Variants in NFS1 observed in about 807,000 individuals in gnomAD.
The protein encoded by NFS1 is cysteine desulfurase.
Under a neutral mutation model 57.3 loss-of-function variants are expected in NFS1, and 26 were observed. The ratio of observed to expected loss-of-function variants is 0.45; its 90% CI spans 0.33 to 0.63. NFS1 has a LOEUF of 0.63. Ranked by LOEUF, NFS1 falls within the 20% of genes least tolerant of loss-of-function variation. NFS1 has a pLI of 0.02. For missense variants in NFS1, 505 were observed against 605.8 expected (o/e 0.83, Z 1.75); for synonymous variants, 209 against 216.3 (o/e 0.97, Z 0.30).
In NFS1 at chr20:35,686,486, T is replaced by A. The variant is rs760070587; in HGVS notation, c.561+3927A>T. Among the ~76,000 whole-genome samples the A allele has an allele frequency of 5.6e-4, 86 of 152,308 alleles. 3 individuals carry two copies. Among genetic ancestry groups the A allele is most frequent in the South Asian group, 4.1e-4 (2 of 4,828 alleles). ...GAATACATTAAAAGCCAGTGAATTG[T>A]ATAATTTCAAAAGATGAATGTTATG... On this transcript the variant is annotated intron_variant, in intron 5 of 12. Coordinates refer to ENST00000374092, the MANE Select transcript of NFS1 (RefSeq NM_021100.5).
At chr20:35,686,104 A>AT (rs1267524497) in intron 5 of NFS1, among the ~76,000 whole-genome samples, 2 of 150,936 alleles carry the variant, frequency 1.3e-5, no homozygotes, top group Non-Finnish European at 3.0e-5. Flanking sequence ...TAATTTTTGT[A>AT]TTTTTTAGTA....
intron 10 of NFS1, chr20:35,674,128 T>G: frequency 1.8e-6 from 1 of 550,758 alleles, no homozygotes; most frequent in Non-Finnish European, 3.3e-6. Flanking sequence ...CCTGGGACGA[T>G]AAAAGGCACA....
intron 5 of NFS1, among the ~76,000 whole-genome samples, chr20:35,685,865 CAAAA>C (rs72491026): frequency 6.0e-5 from 4 of 66,592 alleles, no homozygotes; most frequent in Admixed American, 1.6e-4. Context: ...TACCCCCCCG[CAAAA>C]AAAAAAAAAA....
rs1046567690 is a variant in NFS1 at position 35,685,436 on chromosome 20, C to T, written c.562-3455G>A. On this transcript the variant is annotated intron_variant, in intron 5 of 12. Coordinates refer to ENST00000374092, the MANE Select transcript of NFS1 (RefSeq NM_021100.5). ...GCTTAGGATGCATAGGCACAAGAAT[C>T]GCTTGAACTTAGAAGGCGGAGACTG... Among the ~76,000 whole-genome samples the T allele has an allele frequency of 7.8e-4, 118 of 151,278 alleles. 5 individuals carry two copies. The highest frequency in any genetic ancestry group is 2.8e-3 in the African/African-American group (113 of 40,888).
intron 6 of NFS1, 64 bp downstream of exon 6, chr20:35,681,824 C>T: frequency 1.1e-6 from 1 of 890,294 alleles, no homozygotes. Context: ...TTACAGCTCT[C>T]AGTATACTAC....
intron 12 of NFS1, among the ~76,000 whole-genome samples, chr20:35,670,855 C>T (rs2034641474): frequency 6.6e-6 from 1 of 152,062 alleles, no homozygotes; most frequent in African/African-American, 2.4e-5. Context: ...ACAGCTAGAC[C>T]CTACAAAGAA....
chr20:35,686,862 T>C (rs2034952562), intron 5 of NFS1, among the ~76,000 whole-genome samples: 1 of 152,112 alleles, frequency 6.6e-6, no homozygotes, highest in South Asian at 2.1e-4. Flanking sequence ...CATTAATCAT[T>C]AGTTTGTAGT....
chr20:35,698,572 T>G lies in NFS1; in HGVS notation c.116A>C (p.Gln39Pro). ...LRLRVGDRAPQSAVPADTAAA... is the reference protein window; with the variant it reads ...LRLRVGDRAPPSAVPADTAAA... Reference sequence around the variant, plus strand: ...GGCTGTATCTGCGGGAACCGCAGACTGAGGAGCACGGTCTCCAACTGATAA... The same window carrying G: ...GGCTGTATCTGCGGGAACCGCAGACGGAGGAGCACGGTCTCCAACTGATAA... The change falls in exon 2 of 13, where the codon CAG becomes CCG. Residue 39 changes from glutamine (Q) to proline (P), a missense_variant. By Grantham distance (76) the Gln-to-Pro change is moderately conservative (BLOSUM62 -1). Coordinates refer to ENST00000374092, the MANE Select transcript of NFS1 (RefSeq NM_021100.5). 3 of 1,612,322 alleles carry G rather than the reference T, an allele frequency of 1.9e-6. No homozygotes were observed. Among genetic ancestry groups the G allele is most frequent in the Non-Finnish European group, 2.5e-6 (3 of 1,179,438 alleles).
At chr20:35,685,558 T>TATA (rs2034924580) in intron 5 of NFS1, among the ~76,000 whole-genome samples, 1 of 143,512 alleles carries the variant, frequency 7.0e-6, no homozygotes, top group Non-Finnish European at 1.5e-5. Flanking sequence ...ATAAAATATT[T>TATA]TATATATATA....
Position 35,679,095 on chromosome 20 carries a change from G to GT in NFS1, c.790+1641dup, listed in dbSNP as rs1212664150. Among the ~76,000 whole-genome samples, 4 of 152,174 alleles carry GT rather than the reference G, an allele frequency of 2.6e-5. No homozygotes were observed. In the East Asian group the frequency reaches 5.8e-4, roughly 22 times the overall value. ...GATAATGAGGGACACCTGTACACAT[G>GT]TAAGTGTTGATCAGAGCTTCTGATC... On this transcript the variant is annotated intron_variant, in intron 7 of 12. Coordinates refer to ENST00000374092, the MANE Select transcript of NFS1 (RefSeq NM_021100.5).
intron 5 of NFS1, among the ~76,000 whole-genome samples, chr20:35,684,363 G>A (rs565279832): frequency 2.6e-3 from 389 of 150,298 alleles, no homozygotes; most frequent in Non-Finnish European, 4.7e-3. Flanking sequence ...AGCAGAGATC[G>A]CGCCACTGCA....
At chr20:35,695,101 G>A (rs771323711) in intron 4 of NFS1, among the ~76,000 whole-genome samples, 3 of 152,222 alleles carry the variant, frequency 2.0e-5, no homozygotes, top group Middle Eastern at 3.4e-3. Flanking sequence ...TACTCTTAGC[G>A]ATCCTTGACC....
intron 12 of NFS1, among the ~76,000 whole-genome samples, chr20:35,671,349 C>T (rs2034650676): frequency 6.6e-6 from 1 of 152,310 alleles, no homozygotes; most frequent in East Asian, 1.9e-4. Flanking sequence ...GATCCGCTCA[C>T]CTCGGCCTCC....
intron 7 of NFS1, among the ~76,000 whole-genome samples, chr20:35,676,818 T>C (rs2034759603): frequency 1.4e-5 from 2 of 139,112 alleles, no homozygotes; most frequent in African/African-American, 5.5e-5. Flanking sequence ...AGAAGGGAAC[T>C]GCATAGCTGG....
intron 5 of NFS1, among the ~76,000 whole-genome samples, chr20:35,689,971 C>G (rs897933791): frequency 1.4e-5 from 2 of 140,102 alleles, no homozygotes; most frequent in Non-Finnish European, 3.1e-5. Context: ...TGGTGGCATG[C>G]GTCTGTAATC....
chr20:35,672,158 A>T (rs1430342167), intron 12 of NFS1, among the ~76,000 whole-genome samples: 1 of 150,154 alleles, frequency 6.7e-6, no homozygotes, highest in Non-Finnish European at 1.5e-5. Context: ...CGGGGTTTCA[A>T]CGTGTTAGCC....
intron 4 of NFS1, among the ~76,000 whole-genome samples, chr20:35,692,040 G>C (rs934753786): frequency 6.6e-6 from 1 of 151,932 alleles, no homozygotes; most frequent in Non-Finnish European, 1.5e-5. Context: ...ACAAAAATTA[G>C]CCAGGCGTGG....
At position 35,677,111 on chromosome 20, in the gene NFS1, C is replaced by T. The variant is rs1412600879; in HGVS notation, c.791-1909G>A. Among the ~76,000 whole-genome samples, 7 of 152,168 alleles carry T rather than the reference C, an allele frequency of 4.6e-5. No homozygotes were observed. In the East Asian group the frequency reaches 7.7e-4, roughly 17 times the overall value. On this transcript the variant is annotated intron_variant, in intron 7 of 12. Transcript: ENST00000374092. ...CAAATTCCTGGCCTCATGATCTGCC[C>T]GCCTCGGCCTCCCAAAGTGCTGCAA...
Position 35,672,839 on chromosome 20 carries a change from C to A in NFS1, c.1226G>T (p.Gly409Val). 1 of 1,595,158 alleles carries A rather than the reference C, an allele frequency of 6.3e-7. No individual in the cohort carries two copies. Among genetic ancestry groups the A allele is most frequent in the South Asian group, 1.1e-5 (1 of 88,112 alleles). Residue 409 changes from glycine (G) to valine (V), a missense_variant, in exon 12 of 13, where the codon GGA becomes GTA. Physicochemically the swap from Gly to Val is moderately radical, Grantham distance 109 (BLOSUM62 -3). Transcript: ENST00000374092. The stretch of plus-strand genomic sequence containing the variant: ...CTCCTCTGTAGTGAAGCGGCCAATT[C>A]CAAACCTGAAAAAAGGCACAGGAGA... Reference protein sequence around the residue: ...EDLAHSSIRFGIGRFTTEEEV... With the variant: ...EDLAHSSIRFVIGRFTTEEEV...
Sources: gnomAD v4.1 joint callset for allele counts (sites outside exome capture counted in the v4.1 genomes callset) on GRCh38, gnomAD v4.1.1 for gene constraint, MANE v1.5 for transcripts, NCBI Gene and HGNC (gene_info 2026-07-23, HGNC 2026-07-21) for gene names.